Variants in EDIL3 observed in about 807,000 individuals in gnomAD.
EDIL3 encodes the protein EGF-like repeat and discoidin I-like domain-containing protein 3.
Under a neutral mutation model 67.4 loss-of-function variants are expected in EDIL3, and 37 were observed. The observed-to-expected ratio is 0.55, with a 90% CI of 0.42 to 0.72. EDIL3 has a LOEUF of 0.72. EDIL3 is among the 30% of genes least tolerant of loss of function. EDIL3 has a pLI of 0.00. For synonymous variants in EDIL3, 195 were observed against 196.3 expected, an observed-to-expected ratio of 0.99 and a Z score of 0.05; for missense variants, 527 against 586.3, an observed-to-expected ratio of 0.90 and a Z score of 1.04.
At chr5:84,025,636 G>C (rs1390151880) in intron 9 of EDIL3, among the ~76,000 whole-genome samples, 1 of 152,082 alleles carries the variant, frequency 6.6e-6, no homozygotes, top group East Asian at 1.9e-4. Context: ...AAAAAGGTTG[G>C]GGTCCACTGC....
chr5:84,214,644 T>G (rs568913976), intron 3 of EDIL3, among the ~76,000 whole-genome samples: 1 of 152,336 alleles, frequency 6.6e-6, no homozygotes, highest in South Asian at 2.1e-4. Flanking sequence ...TTTTATTTAT[T>G]TATTTCTTCT....
At chr5:84,299,502 C>T (rs925599796) in intron 1 of EDIL3, among the ~76,000 whole-genome samples, 1 of 152,138 alleles carries the variant, frequency 6.6e-6, no homozygotes, top group African/African-American at 2.4e-5. Flanking sequence ...AGCAGTTCTA[C>T]CTCCTTAAAT....
intron 1 of EDIL3, among the ~76,000 whole-genome samples, chr5:84,280,001 C>T (rs1272311501): frequency 6.6e-6 from 1 of 152,154 alleles, no homozygotes. Context: ...TGAACATTTC[C>T]TTTGCTTTAT....
chr5:84,073,761 G>A (rs1443048219), intron 6 of EDIL3, among the ~76,000 whole-genome samples: 4 of 151,824 alleles, frequency 2.6e-5, no homozygotes, highest in Non-Finnish European at 5.9e-5. Flanking sequence ...TCGTGAAAAT[G>A]GCCATACTGC....
chr5:84,326,373 G>T (rs1007848590), intron 1 of EDIL3, among the ~76,000 whole-genome samples: 11 of 152,104 alleles, frequency 7.2e-5, no homozygotes, highest in Middle Eastern at 3.4e-3. Flanking sequence ...ATAATTACAA[G>T]GAGCTGACGG....
intron 1 of EDIL3, among the ~76,000 whole-genome samples, chr5:84,312,623 T>A (rs1320306631): frequency 3.8e-5 from 5 of 131,042 alleles, no homozygotes; most frequent in African/African-American, 8.8e-5. Flanking sequence ...CCCCCCCACC[T>A]CCTTCCCGGA....
At chr5:84,176,677 A>C (rs1189251290) in intron 4 of EDIL3, among the ~76,000 whole-genome samples, 1 of 151,954 alleles carries the variant, frequency 6.6e-6, no homozygotes, top group Non-Finnish European at 1.5e-5. Flanking sequence ...GCTTTTCAAA[A>C]GTTTGACCTG....
At chr5:84,075,316 T>C (rs1746830222) in intron 6 of EDIL3, among the ~76,000 whole-genome samples, 1 of 151,914 alleles carries the variant, frequency 6.6e-6, no homozygotes, top group African/African-American at 2.4e-5. Context: ...AACCTGCACA[T>C]TGTGCACATG....
chr5:83,968,414 T>C (rs1580257365), intron 9 of EDIL3, among the ~76,000 whole-genome samples: 3 of 152,200 alleles, frequency 2.0e-5, no homozygotes, highest in African/African-American at 7.2e-5. Flanking sequence ...ATTGCTTTTT[T>C]CATGTAATAT....
chr5:84,179,348 T>G (rs1169707069), intron 4 of EDIL3, among the ~76,000 whole-genome samples: 3 of 152,202 alleles, frequency 2.0e-5, no homozygotes, highest in African/African-American at 4.8e-5. Flanking sequence ...GTTGGTGATC[T>G]GAGCTTTTAG....
At chr5:84,104,248 G>A (rs957023153) in intron 6 of EDIL3, among the ~76,000 whole-genome samples, 1 of 151,838 alleles carries the variant, frequency 6.6e-6, no homozygotes, top group Non-Finnish European at 1.5e-5. Context: ...GATGGGAGGA[G>A]GGAAAGGACT....
chr5:84,233,973 T>C (rs902008832), intron 2 of EDIL3, among the ~76,000 whole-genome samples: 1 of 152,220 alleles, frequency 6.6e-6, no homozygotes, highest in African/African-American at 2.4e-5. Context: ...CCATGAATCC[T>C]GACCTTTCTT....
chr5:84,206,438 G>A (rs1743981152), intron 3 of EDIL3, among the ~76,000 whole-genome samples: 1 of 152,100 alleles, frequency 6.6e-6, no homozygotes, highest in Admixed American at 6.6e-5. Context: ...TCCACTTGGT[G>A]CAGAGCTGAG....
chr5:84,211,245 A>G (rs1341315055), intron 3 of EDIL3, among the ~76,000 whole-genome samples: 4 of 152,080 alleles, frequency 2.6e-5, no homozygotes, highest in African/African-American at 9.7e-5. Context: ...GTGAGTCCTC[A>G]CTATTAGTAT....
chr5:84,176,847 C>G (rs997943076), intron 4 of EDIL3, among the ~76,000 whole-genome samples: 2 of 151,146 alleles, frequency 1.3e-5, no homozygotes, highest in East Asian at 3.9e-4. Context: ...AATTCTATAC[C>G]AAATCCAATA....
rs545698246 is a variant in EDIL3, at chr5:84,228,202, T to G, written c.226+1653A>C. ...TCTGGAAGAGGCCTCAAAAAAAAAG[T>G]TAACAGGGGTTGCTTCTCAGGAAGA... is the stretch of plus-strand genomic sequence containing the variant. On this transcript the variant is annotated intron_variant, in intron 3 of 10. Transcript: ENST00000296591. 3.3e-5 allele frequency among the ~76,000 whole-genome samples: 5 copies of G among 152,012 alleles called. No homozygotes were observed. The East Asian group carries it at 9.7e-4, about 29-fold the overall frequency.
intron 1 of EDIL3, among the ~76,000 whole-genome samples, chr5:84,340,922 C>G (rs1461515630): frequency 1.3e-5 from 2 of 151,730 alleles, no homozygotes; most frequent in African/African-American, 4.8e-5. Context: ...GCCTCAACTC[C>G]AATCCAAACT....
At chr5:84,303,281 T>C (rs915625723) in intron 1 of EDIL3, among the ~76,000 whole-genome samples, 2 of 152,246 alleles carry the variant, frequency 1.3e-5, no homozygotes, top group African/African-American at 2.4e-5. Context: ...ATGTTCTGGC[T>C]TCACAGTCAT....
intron 1 of EDIL3, among the ~76,000 whole-genome samples, chr5:84,346,531 T>C (rs1199352515): frequency 6.6e-6 from 1 of 152,210 alleles, no homozygotes; most frequent in Non-Finnish European, 1.5e-5. Flanking sequence ...TTTTCTTGAG[T>C]ATTCTCCTGA....
Sources: gnomAD v4.1 joint callset for allele counts (sites outside exome capture counted in the v4.1 genomes callset) on GRCh38, gnomAD v4.1.1 for gene constraint, MANE v1.5 for transcripts, NCBI Gene and HGNC (gene_info 2026-07-23, HGNC 2026-07-21) for gene names.